Variants in ATF6 observed in about 807,000 individuals in gnomAD.
ATF6 encodes the protein cyclic AMP-dependent transcription factor ATF-6 alpha.
Under a neutral mutation model 83.6 loss-of-function variants are expected in ATF6, and 53 were observed. The observed-to-expected ratio is 0.63, with a 90% confidence interval of 0.51 to 0.80. ATF6 has a LOEUF of 0.80. Among genes scored for constraint, ATF6 ranks in the 30% least tolerant of loss-of-function variants. ATF6 has a pLI of 0.00. For missense variants in ATF6, 744 were observed against 797.9 expected (o/e 0.93, Z 0.81); for synonymous variants, 288 against 285.8 (o/e 1.01, Z -0.08).
chr1:161,902,515 C>G (rs1687807237), intron 14 of ATF6, among the ~76,000 whole-genome samples: 1 of 152,296 alleles, frequency 6.6e-6, no homozygotes, highest in Admixed American at 6.5e-5. Context: ...AGCAGTTTGG[C>G]TTTGCTTTTT....
At chr1:161,888,060 ACT>A (rs1202713737) in intron 14 of ATF6, among the ~76,000 whole-genome samples, 1 of 152,174 alleles carries the variant, frequency 6.6e-6, no homozygotes, top group Non-Finnish European at 1.5e-5. Context: ...ATCAACCATC[ACT>A]CTCATTAACA....
intron 10 of ATF6, among the ~76,000 whole-genome samples, chr1:161,850,377 G>T (rs549617825): frequency 7.8e-4 from 119 of 151,936 alleles, no homozygotes; most frequent in African/African-American, 2.8e-3. Context: ...TTTATGCCTA[G>T]AATGCTCTTA....
intron 12 of ATF6, among the ~76,000 whole-genome samples, chr1:161,854,707 TAAAAAATAC>T (rs1255195560): frequency 6.6e-6 from 1 of 151,716 alleles, no homozygotes; most frequent in African/African-American, 2.4e-5. Flanking sequence ...CCATCTCTAC[TAAAAAATAC>T]AAAAAGTTAG....
intron 15 of ATF6, among the ~76,000 whole-genome samples, chr1:161,951,524 A>G (rs956175805): frequency 6.6e-6 from 1 of 152,194 alleles, no homozygotes; most frequent in Non-Finnish European, 1.5e-5. Context: ...AGCTTTGGGC[A>G]TGTAGTGGTG....
At chr1:161,940,281 A>G (rs1334727354) in intron 15 of ATF6, among the ~76,000 whole-genome samples, 1 of 152,150 alleles carries the variant, frequency 6.6e-6, no homozygotes, top group Non-Finnish European at 1.5e-5. Context: ...ACTTATTTTA[A>G]TAAAATACAT....
rs1030125963 is a variant in ATF6, at chr1:161,924,709, T to C, written c.1804+12329T>C. ...GCCATATAAGCAGTTTCTTTGAAGA[T>C]ACCTAGGACCTATCTCTTTCTTTTC... is the stretch of plus-strand genomic sequence containing the variant. On this transcript the variant is annotated intron_variant, in intron 15 of 15. Transcript: ENST00000367942. 1.2e-4 allele frequency among the ~76,000 whole-genome samples: 18 copies of C among 152,346 alleles called. No individual in the cohort carries two copies. The South Asian group carries it at 3.7e-3, about 32-fold the overall frequency.
chr1:161,800,099 C>A (rs1001030529), intron 6 of ATF6, among the ~76,000 whole-genome samples: 3 of 152,052 alleles, frequency 2.0e-5, no homozygotes, highest in Non-Finnish European at 4.4e-5. Flanking sequence ...ACTTAGCAGG[C>A]AAGTAAAATT....
intron 1 of ATF6, among the ~76,000 whole-genome samples, chr1:161,776,456 G>A (rs1028930171): frequency 6.6e-6 from 1 of 152,148 alleles, no homozygotes; most frequent in Non-Finnish European, 1.5e-5. Context: ...TGTGTTGGGA[G>A]GGGTAGGGAA....
At chr1:161,831,592 A>G (rs938485721) in intron 9 of ATF6, among the ~76,000 whole-genome samples, 2 of 152,188 alleles carry the variant, frequency 1.3e-5, no homozygotes, top group Non-Finnish European at 2.9e-5. Context: ...TGTCACATAT[A>G]CACCATGGAA....
chr1:161,954,133 C>T (rs944361390), intron 15 of ATF6, among the ~76,000 whole-genome samples: 5 of 151,792 alleles, frequency 3.3e-5, no homozygotes, highest in Non-Finnish European at 4.4e-5. Context: ...TGGTCAAAAC[C>T]AGGACTCAGA....
At chr1:161,824,314 C>T (rs1685835104) in intron 9 of ATF6, among the ~76,000 whole-genome samples, 1 of 151,078 alleles carries the variant, frequency 6.6e-6, no homozygotes, top group African/African-American at 2.4e-5. Flanking sequence ...GCTCAAATAC[C>T]ATGTACCCCT....
intron 14 of ATF6, among the ~76,000 whole-genome samples, chr1:161,905,896 G>C (rs192738404): frequency 3.3e-5 from 5 of 152,034 alleles, no homozygotes; most frequent in East Asian, 1.9e-4. Flanking sequence ...CAGTGGCAGC[G>C]ATCTCGGCTC....
chr1:161,868,176 T>C (rs1404381297), intron 14 of ATF6, among the ~76,000 whole-genome samples: 61 of 152,218 alleles, frequency 4.0e-4, no homozygotes, highest in Admixed American at 4.0e-3. Flanking sequence ...TTTTTTACAC[T>C]TTACTGATTC....
chr1:161,805,976 G>A (rs1685269439), intron 7 of ATF6, among the ~76,000 whole-genome samples: 1 of 152,058 alleles, frequency 6.6e-6, no homozygotes, highest in African/African-American at 2.4e-5. Context: ...TGCATTAAAT[G>A]CCACATTTTC....
At chr1:161,906,091 C>T (rs756261143) in intron 14 of ATF6, among the ~76,000 whole-genome samples, 3 of 152,096 alleles carry the variant, frequency 2.0e-5, no homozygotes, top group Non-Finnish European at 2.9e-5. Flanking sequence ...CCTCGGCCTC[C>T]GAAAGTGCTG....
chr1:161,841,122 A>G (rs1192953176), intron 9 of ATF6, among the ~76,000 whole-genome samples: 1 of 152,186 alleles, frequency 6.6e-6, no homozygotes, highest in Non-Finnish European at 1.5e-5. Flanking sequence ...CAAGAATCTA[A>G]AAGTTCATAT....
intron 7 of ATF6, among the ~76,000 whole-genome samples, chr1:161,817,901 T>C (rs1453975989): frequency 6.6e-6 from 1 of 151,908 alleles, no homozygotes; most frequent in Non-Finnish European, 1.5e-5. Flanking sequence ...ATTGAGACCA[T>C]CCTGGCTAAC....
At position 161,854,406 on chromosome 1, in the gene ATF6, C is replaced by G. The variant is rs116740318; in HGVS notation, c.1533+1083C>G. On this transcript the variant is annotated intron_variant, in intron 12 of 15. Coordinates refer to ENST00000367942, the MANE Select transcript of ATF6 (RefSeq NM_007348.4). Reference sequence around the variant, plus strand: ...GGATTGTGCAAAATGTTTTAAGAATCAGGCCTGGCTTTTAGCCAATGTTTA... The same window carrying G: ...GGATTGTGCAAAATGTTTTAAGAATGAGGCCTGGCTTTTAGCCAATGTTTA... Among the ~76,000 whole-genome samples, 375 of 152,314 alleles carry G rather than the reference C, an allele frequency of 2.5e-3. 1 individual carries two copies. The highest frequency in any genetic ancestry group is 8.5e-3 in the African/African-American group (354 of 41,572).
At chr1:161,799,239 C>T (rs1281160735) in intron 6 of ATF6, among the ~76,000 whole-genome samples, 1 of 152,162 alleles carries the variant, frequency 6.6e-6, no homozygotes, top group Non-Finnish European at 1.5e-5. Flanking sequence ...CCATTCAATA[C>T]TACACAGCCA....
Sources: gnomAD v4.1 joint callset for allele counts (sites outside exome capture counted in the v4.1 genomes callset) on GRCh38, gnomAD v4.1.1 for gene constraint, MANE v1.5 for transcripts, NCBI Gene and HGNC (gene_info 2026-07-23, HGNC 2026-07-21) for gene names.